Variants in L1TD1 observed in about 807,000 individuals in gnomAD.
L1TD1 encodes LINE1 type transposase domain containing 1.
A neutral mutation model predicts 25.7 loss-of-function variants in L1TD1; 26 were observed. The observed-to-expected ratio is 1.01, with a 90% CI of 0.74 to 1.40. The LOEUF (loss-of-function observed/expected upper bound fraction) is 1.40. L1TD1 is among the 40% of genes most tolerant of loss of function. L1TD1 has a pLI of 0.00. For missense variants in L1TD1, 1,130 were observed against 975.0 expected (o/e 1.16, Z -2.12); for synonymous variants, 421 against 335.6 (o/e 1.25, Z -2.78).
At chr1:62,207,669 T>G in intron 3 of L1TD1, 33 bp downstream of exon 3, 3 of 1,475,314 alleles carry the variant, frequency 2.0e-6, no homozygotes, top group Non-Finnish European at 2.7e-6. Flanking sequence ...GTATAAAGCT[T>G]ATGTATAAAT....
Position 62,211,382 on chromosome 1 carries a change from G to A in L1TD1, c.*10G>A, listed in dbSNP as rs115355525. 582 of 1,560,740 alleles carry A rather than the reference G, an allele frequency of 3.7e-4. 3 individuals carry two copies. The African/African-American group carries it at 6.7e-3, about 18-fold the overall frequency. On this transcript the variant is annotated 3_prime_UTR_variant, in exon 4 of 4. Transcript: ENST00000498273. ...GAATAATATACCTTAGCACGCCAGG[G>A]TGACTACAAACAATATGCTTTCCTC... is the stretch of plus-strand genomic sequence containing the variant.
chr1:62,196,760 T>G (rs1045810582), intron 2 of L1TD1, among the ~76,000 whole-genome samples: 3 of 152,030 alleles, frequency 2.0e-5, no homozygotes, highest in Non-Finnish European at 2.9e-5. Flanking sequence ...ACCCGGCTAA[T>G]TTTTGTATTT....
chr1:62,195,892 C>G (rs1350135229), intron 1 of L1TD1, among the ~76,000 whole-genome samples: 9 of 151,806 alleles, frequency 5.9e-5, no homozygotes, highest in Non-Finnish European at 2.9e-5. Flanking sequence ...ACAAAATTAG[C>G]CGGGTGTGTT....
In L1TD1 at chr1:62,206,768, A is replaced by G; in HGVS notation, c.140A>G (p.Asp47Gly). ...CCGGTATTAGATTTAAAATGCAAGG[A>G]CGTATCAGCAATTATGAATAAGTTT... ...IAPVLDLKCK[D>G]VSAIMNKFKV... is the part of the protein sequence containing the mutation. The change falls in exon 3 of 4, where the codon GAC becomes GGC. Residue 47 changes from aspartate (D) to glycine (G), a missense_variant. Physicochemically the swap from Asp to Gly is moderately conservative, Grantham distance 94 (BLOSUM62 -1). Transcript: ENST00000498273. 1 of 1,558,510 alleles carries G rather than the reference A, an allele frequency of 6.4e-7. No individual in the cohort carries two copies.
Position 62,209,289 on chromosome 1 carries a change from C to CTTTTTT in L1TD1, c.1009-482_1009-477dup, listed in dbSNP as rs376933477. The stretch of plus-strand genomic sequence containing the variant: ...CTAGAGTGTAAACTGCAATTGGGGT[C>CTTTTTT]TTTTTTTTTTTTTTTTTAATTGGGT... On this transcript the variant is annotated intron_variant, in intron 3 of 3. Coordinates refer to ENST00000498273, the MANE Select transcript of L1TD1 (RefSeq NM_019079.5). 3.1e-4 allele frequency among the ~76,000 whole-genome samples: 41 copies of CTTTTTT among 131,800 alleles called. 1 individual carries two copies. Among genetic ancestry groups the CTTTTTT allele is most frequent in the African/African-American group, 1.2e-3 (40 of 34,598 alleles). 86.5% of individuals were successfully genotyped at this position (131,800 alleles called of 152,430 possible). A position where few individuals can be genotyped will look rare whatever the true frequency, so the allele number is the denominator to read the frequency against.
At position 62,210,583 on chromosome 1, in the gene L1TD1, A is replaced by G. The variant is rs758163738; in HGVS notation, c.1809A>G (p.Thr603=). 6 of 1,612,972 alleles carry G rather than the reference A, an allele frequency of 3.7e-6. No individual in the cohort carries two copies. In the East Asian group the frequency reaches 1.3e-4, roughly 36 times the overall value. The change falls in exon 4 of 4, where the codon ACA becomes ACG. Residue 603 remains threonine (T), a synonymous_variant. Coordinates refer to ENST00000498273, the MANE Select transcript of L1TD1 (RefSeq NM_019079.5). ...GAACTCTGCACACAGAAGAACTAAC[A>G]TCCAAAGAAGCAGACTTAACAGAGG... ...KHRTLHTEEL[T]SKEADLTEET... is the part of the protein sequence containing the mutation.
Position 62,206,867 on chromosome 1 carries a change from T to G in L1TD1, c.239T>G (p.Val80Gly). ...RETLKNDLKA[V>G]LGGKATIPEV... ...ACTCTTAAAAATGACCTAAAAGCAG[T>G]TTTAGGGGGAAAAGCTACAATACCT... The change falls in exon 3 of 4, where the codon GTT becomes GGT. Residue 80 changes from valine (V) to glycine (G), a missense_variant. By Grantham distance (109) the Val-to-Gly change is moderately radical. Coordinates refer to ENST00000498273, the MANE Select transcript of L1TD1 (RefSeq NM_019079.5). 6.2e-7 allele frequency: 1 copy of G among 1,613,210 alleles called. No individual in the cohort carries two copies. The highest frequency in any genetic ancestry group is 1.1e-5 in the South Asian group (1 of 90,954).
chr1:62,207,978 G>T (rs1430810684), intron 3 of L1TD1, among the ~76,000 whole-genome samples: 2 of 152,162 alleles, frequency 1.3e-5, no homozygotes, highest in Admixed American at 1.3e-4. Context: ...AAAGTGCTGG[G>T]ATTACAGGCG....
rs754851639 is a variant in L1TD1, at chr1:62,210,417, C to T, written c.1643C>T (p.Thr548Ile). 2.5e-6 allele frequency: 4 copies of T among 1,614,128 alleles called. No individual in the cohort carries two copies. The highest frequency in any genetic ancestry group is 2.2e-5 in the South Asian group (2 of 91,074). Residue 548 changes from threonine to isoleucine, a missense_variant, in exon 4 of 4, where the codon ACA becomes ATA. By Grantham distance (89) the Thr-to-Ile change is moderately conservative (BLOSUM62 -1). Coordinates refer to ENST00000498273, the MANE Select transcript of L1TD1 (RefSeq NM_019079.5). ...TAVPTSQGTG[T>I]PCLTLCLASP... ...GTGCCCACAAGTCAAGGAACTGGCACACCCTGTCTGACCTTATGTTTGGCC... is the reference window on the plus strand; with the variant it reads ...GTGCCCACAAGTCAAGGAACTGGCATACCCTGTCTGACCTTATGTTTGGCC...
At position 62,209,974 on chromosome 1, in the gene L1TD1, C is replaced by T. The variant is rs754464594; in HGVS notation, c.1200C>T (p.Thr400=). 16 of 1,464,116 alleles carry T rather than the reference C, an allele frequency of 1.1e-5. No homozygotes were observed. The South Asian group carries it at 1.6e-4, about 15-fold the overall frequency. 90.7% of individuals were successfully genotyped at this position (1,464,116 alleles called of 1,614,324 possible). A position where few individuals can be genotyped will look rare whatever the true frequency, so the allele number is the denominator to read the frequency against. ...CAGGGATGGAGGATGATGAAGATAC[C>T]TCAGGGCTGGAGGAGGAGGAGGAAG... ...EASGMEDDED[T]SGLEEEEEEP... is the part of the protein sequence containing the mutation. Residue 400 remains threonine (T), a synonymous_variant, in exon 4 of 4, where the codon ACC becomes ACT. Transcript: ENST00000498273.
Position 62,207,216 on chromosome 1 carries a change from A to G in L1TD1, c.588A>G (p.Glu196=). Residue 196 remains glutamate, a synonymous_variant, in exon 3 of 4, where the codon GAA becomes GAG. Transcript: ENST00000498273. ...GNRNVHLEFT[E]RESRKDGEDE... ...GCAATGTCCATTTAGAATTTACAGA[A>G]AGAGAGAGTAGGAAGGATGGAGAGG... 2 of 1,551,798 alleles carry G rather than the reference A, an allele frequency of 1.3e-6. No individual in the cohort carries two copies. The highest frequency in any genetic ancestry group is 1.7e-6 in the Non-Finnish European group (2 of 1,147,004).
chr1:62,209,828 A>G lies in L1TD1; in HGVS notation c.1054A>G (p.Ser352Gly). ...DSKHRAGEIT[S>G]DGLSFLFLKE... ...AAAGCATAGAGCTGGAGAAATAACC[A>G]GTGATGGCTTGAGCTTCCTATTTCT... The change falls in exon 4 of 4, where the codon AGT becomes GGT. Residue 352 changes from serine (S) to glycine (G), a missense_variant. Ser to Gly is a moderately conservative substitution (Grantham distance 56). Coordinates refer to ENST00000498273, the MANE Select transcript of L1TD1 (RefSeq NM_019079.5). 6.2e-7 allele frequency: 1 copy of G among 1,612,640 alleles called. No individual in the cohort carries two copies. Among genetic ancestry groups the G allele is most frequent in the Non-Finnish European group, 8.5e-7 (1 of 1,179,530 alleles).
intron 2 of L1TD1, among the ~76,000 whole-genome samples, chr1:62,200,013 T>C (rs77196978): frequency 0.041 from 6,187 of 152,212 alleles, 427 homozygotes; most frequent in African/African-American, 0.14. Flanking sequence ...TTCTGCACCA[T>C]TTTTTCCCTC....
At position 62,210,708 on chromosome 1, in the gene L1TD1, T is replaced by C. The variant is rs1440551714; in HGVS notation, c.1934T>C (p.Ile645Thr). Residue 645 changes from isoleucine (I) to threonine (T), a missense_variant, in exon 4 of 4, where the codon ATT becomes ACT. Ile to Thr is a moderately conservative substitution (Grantham distance 89, BLOSUM62 -1). Coordinates refer to ENST00000498273, the MANE Select transcript of L1TD1 (RefSeq NM_019079.5). ...AGTTCCCATTCAGGTGTCTTGGAAA[T>C]TGAAAATTCAGTAGATGATCTGAGT... ...LKSSHSGVLEIENSVDDLSSR... is the reference protein window; with the variant it reads ...LKSSHSGVLETENSVDDLSSR... 4 of 1,551,842 alleles carry C rather than the reference T, an allele frequency of 2.6e-6. No individual in the cohort carries two copies. The highest frequency in any genetic ancestry group is 3.5e-6 in the Non-Finnish European group (4 of 1,147,098).
Position 62,207,653 on chromosome 1 carries a change from A to G in L1TD1, c.1008+17A>G, listed in dbSNP as rs1670780066. ...GAAAAAAGGGTAAGCATACAAATGT[A>G]TAAATGTATAAAGCTTATGTATAAA... On this transcript the variant is annotated intron_variant, in intron 3 of 3. Transcript: ENST00000498273. The G allele has an allele frequency of 6.7e-7, 1 of 1,501,180 alleles. No individual in the cohort carries two copies. The highest frequency in any genetic ancestry group is 8.9e-7 in the Non-Finnish European group (1 of 1,126,000). The allele number at this position is 1,501,180 out of a possible 1,614,324, so 93.0% of individuals were successfully genotyped here. A position where few individuals can be genotyped will look rare whatever the true frequency, so the allele number is the denominator to read the frequency against.
At position 62,210,163 on chromosome 1, in the gene L1TD1, T is replaced by C. The variant is rs1038474371; in HGVS notation, c.1389T>C (p.Asp463=). 12 of 1,613,912 alleles carry C rather than the reference T, an allele frequency of 7.4e-6. No individual in the cohort carries two copies. The highest frequency in any genetic ancestry group is 2.2e-5 in the East Asian group (1 of 44,894). ...AGCATGAAGTTGAGATAACCAGTGA[T>C]GGCATGGAAACTACTTTCATTGACT... is the stretch of plus-strand genomic sequence containing the variant. ...DAKHEVEITS[D]GMETTFIDSV... Residue 463 remains aspartate, a synonymous_variant, in exon 4 of 4, where the codon GAT becomes GAC. Transcript: ENST00000498273.
intron 2 of L1TD1, among the ~76,000 whole-genome samples, chr1:62,205,313 G>A (rs549546619): frequency 6.6e-6 from 1 of 150,694 alleles, no homozygotes; most frequent in Non-Finnish European, 1.5e-5. Context: ...ACTCCAGCCT[G>A]GGTGACAAGA....
At position 62,206,728 on chromosome 1, in the gene L1TD1, G is replaced by T; in HGVS notation, c.100G>T (p.Asp34Tyr). The T allele has an allele frequency of 6.4e-7, 1 of 1,551,492 alleles. No individual in the cohort carries two copies. The highest frequency in any genetic ancestry group is 1.2e-5 in the South Asian group (1 of 84,116). ...GAAAAGAGAGCAGTTAACAGAAACT[G>T]ATAAGGACATAGCTCCGGTATTAGA... ...YMKREQLTET[D>Y]KDIAPVLDLK... The change falls in exon 3 of 4, where the codon GAT becomes TAT. Residue 34 changes from aspartate to tyrosine, a missense_variant. By Grantham distance (160) the Asp-to-Tyr change is radical. Coordinates refer to ENST00000498273, the MANE Select transcript of L1TD1 (RefSeq NM_019079.5).
rs757211279 is a variant in L1TD1, at chr1:62,207,576, A to G, written c.948A>G (p.Val316=). ...CTGTGAAAGAATTACTGAAAGATGT[A>G]CTCCCACAAAAGGAAGAAATAAATC... ...KSSVKELLKD[V]LPQKEEINQG... The change falls in exon 3 of 4, where the codon GTA becomes GTG. Residue 316 remains valine (V), a synonymous_variant. Coordinates refer to ENST00000498273, the MANE Select transcript of L1TD1 (RefSeq NM_019079.5). The G allele has an allele frequency of 4.5e-6, 7 of 1,549,222 alleles. No homozygotes were observed. In the South Asian group the frequency reaches 8.4e-5, roughly 19 times the overall value.
Sources: allele counts gnomAD v4.1 joint callset (sites outside exome capture counted in the v4.1 genomes callset), GRCh38; gene constraint gnomAD v4.1.1; transcripts MANE v1.5; gene names NCBI Gene and HGNC (gene_info 2026-07-23, HGNC 2026-07-21).